The following PALS2 variants were observed in gnomAD, a reference collection of about 807,000 sequenced individuals.
PALS2 encodes the protein protein PALS2.
Under a neutral mutation model 61.6 loss-of-function variants are expected in PALS2, and 27 were observed. The observed-to-expected ratio is 0.44, with a 90% CI of 0.32 to 0.60. The LOEUF (loss-of-function observed/expected upper bound fraction) is 0.60. PALS2 is among the 20% of genes least tolerant of loss of function. PALS2 has a pLI of 0.05. For missense variants in PALS2, 554 were observed against 639.4 expected (o/e 0.87, Z 1.44); for synonymous variants, 236 against 218.6 (o/e 1.08, Z -0.70).
chr7:24,650,412 T>C, intron 4 of PALS2, 73 bp from the exon 5 acceptor site: 1 of 1,208,792 alleles, frequency 8.3e-7, no homozygotes, highest in Non-Finnish European at 1.2e-6. Flanking sequence ...AATTATTTTC[T>C]TACATATGCT....
At position 24,691,405 on chromosome 7, in the gene PALS2, G is replaced by GTATATATATATATA. The variant is rs70942878; in HGVS notation, c.*3818_*3831dup. ...ATATTATGTATGTGTGTGTGTGTGT[G>GTATATATATATATA]TATATATATATATATATATATATAT... is the stretch of plus-strand genomic sequence containing the variant. On this transcript the variant is annotated 3_prime_UTR_variant, in exon 12 of 12. Coordinates refer to ENST00000222644, the MANE Select transcript of PALS2 (RefSeq NM_001303037.2). 19 of 110,590 alleles carry GTATATATATATATA rather than the reference G, an allele frequency of 1.7e-4. No individual in the cohort carries two copies. Among genetic ancestry groups the GTATATATATATATA allele is most frequent in the Non-Finnish European group, 3.1e-4 (16 of 52,290 alleles). The allele number at this position is 110,590 out of a possible 1,614,324, so 6.9% of individuals were successfully genotyped here.
At chr7:24,630,958 CAA>C (rs1784974680) in intron 2 of PALS2, among the ~76,000 whole-genome samples, 1 of 152,200 alleles carries the variant, frequency 6.6e-6, no homozygotes, top group Non-Finnish European at 1.5e-5. Context: ...CAGAAATGTA[CAA>C]AGAGAGGAAT....
intron 5 of PALS2, among the ~76,000 whole-genome samples, chr7:24,660,061 T>C (rs1298762542): frequency 1.3e-5 from 2 of 152,222 alleles, no homozygotes; most frequent in Non-Finnish European, 2.9e-5. Context: ...CTTCCATCTT[T>C]TAGGATCACT....
chr7:24,640,414 A>C (rs1046733449), intron 2 of PALS2, among the ~76,000 whole-genome samples: 4 of 152,210 alleles, frequency 2.6e-5, no homozygotes, highest in Admixed American at 6.5e-5. Context: ...ACTCTATGGT[A>C]AAAATAACAT....
At chr7:24,622,683 C>CTTTTT (rs70942815) in intron 1 of PALS2, among the ~76,000 whole-genome samples, 188 of 135,686 alleles carry the variant, frequency 1.4e-3, no homozygotes, top group African/African-American at 4.4e-3. Flanking sequence ...TTTCTTTTTT[C>CTTTTT]TTTTTTTTTT....
intron 1 of PALS2, among the ~76,000 whole-genome samples, chr7:24,617,905 G>T (rs916386987): frequency 6.6e-6 from 1 of 152,222 alleles, no homozygotes; most frequent in Non-Finnish European, 1.5e-5. Context: ...CAAGTTCTCA[G>T]GGGTGGTGTG....
rs1418574885 is a variant in PALS2, at chr7:24,618,881, C to T, written c.-2-4785C>T. 2.0e-5 allele frequency among the ~76,000 whole-genome samples: 3 copies of T among 152,338 alleles called. No individual in the cohort carries two copies. The highest frequency in any genetic ancestry group is 3.4e-3 in the Middle Eastern group (1 of 294). On this transcript the variant is annotated intron_variant, in intron 1 of 11. Coordinates refer to ENST00000222644, the MANE Select transcript of PALS2 (RefSeq NM_001303037.2). This position sits in a 1 kb window ranked among gnomAD's most constrained non-coding sequence, Gnocchi z 5.1. ...CAAATCTTAGCTGTTTATTTATTGCCGTGGTCCTTTCTTGAAGCGGAGGAA... is the reference window on the plus strand; with the variant it reads ...CAAATCTTAGCTGTTTATTTATTGCTGTGGTCCTTTCTTGAAGCGGAGGAA...
chr7:24,591,919 T>G (rs79358784), intron 1 of PALS2, among the ~76,000 whole-genome samples: 3,024 of 152,048 alleles, frequency 0.02, 114 homozygotes, highest in African/African-American at 0.07. Flanking sequence ...AAAGAAACAC[T>G]AGATAGCACT....
chr7:24,650,650 A>G lies in PALS2; in HGVS notation c.589A>G (p.Ile197Val). The change falls in exon 5 of 12, where the codon ATT becomes GTT. Residue 197 changes from isoleucine (I) to valine (V), a missense_variant. Coordinates refer to ENST00000222644, the MANE Select transcript of PALS2 (RefSeq NM_001303037.2). Reference sequence around the variant, plus strand: ...GGAATTACAAGAATTACTGAAAAATATTAGTGGAAGTGTCACCCTAAAAAT... The same window carrying G: ...GGAATTACAAGAATTACTGAAAAATGTTAGTGGAAGTGTCACCCTAAAAAT... ...PKELQELLKN[I>V]SGSVTLKILP... 1.2e-6 allele frequency: 2 copies of G among 1,612,260 alleles called. No individual in the cohort carries two copies. Among genetic ancestry groups the G allele is most frequent in the Non-Finnish European group, 1.7e-6 (2 of 1,178,498 alleles).
At chr7:24,667,100 A>C (rs1026178448) in intron 8 of PALS2, 1 of 152,338 alleles carries the variant, frequency 6.6e-6, no homozygotes, top group South Asian at 2.1e-4. Context: ...AAGAGTTACT[A>C]TTAGGATAAT....
rs901877193 is a variant in PALS2, at chr7:24,663,872, G to C, written c.783+151G>C. On this transcript the variant is annotated intron_variant, in intron 6 of 11. Coordinates refer to ENST00000222644, the MANE Select transcript of PALS2 (RefSeq NM_001303037.2). The stretch of plus-strand genomic sequence containing the variant: ...CTGCTTCGTGGCTACTAATTTTGTG[G>C]ACATAAGATCAAATTGGGAGGGAAT... The C allele has an allele frequency of 4.3e-5, 44 of 1,016,954 alleles. No individual in the cohort carries two copies. In the East Asian group the frequency reaches 1.1e-3, roughly 26 times the overall value. The allele number at this position is 1,016,954 out of a possible 1,614,324, so 63.0% of individuals were successfully genotyped here.
chr7:24,678,127 C>T (rs1036915395), intron 9 of PALS2, among the ~76,000 whole-genome samples: 1 of 152,276 alleles, frequency 6.6e-6, no homozygotes, highest in South Asian at 2.1e-4. Flanking sequence ...CTTGAAATAA[C>T]ACGCTCAAAA....
At chr7:24,575,135 A>G (rs1287293574) in intron 1 of PALS2, among the ~76,000 whole-genome samples, 5 of 152,182 alleles carry the variant, frequency 3.3e-5, no homozygotes, top group Non-Finnish European at 7.3e-5. Flanking sequence ...CGGTTACATA[A>G]TACACAAATG....
Position 24,641,886 on chromosome 7 carries a change from T to G in PALS2, c.270+18T>G. On this transcript the variant is annotated intron_variant, in intron 3 of 11. Coordinates refer to ENST00000222644, the MANE Select transcript of PALS2 (RefSeq NM_001303037.2). ...ACTTCCAGGTAACTTTCCCTATCAC[T>G]CAACTCTCAAGTTCCCTGTATTCCC... 5 of 1,607,864 alleles carry G rather than the reference T, an allele frequency of 3.1e-6. No individual in the cohort carries two copies. Among genetic ancestry groups the G allele is most frequent in the Non-Finnish European group, 4.3e-6 (5 of 1,176,460 alleles).
chr7:24,631,862 CT>C (rs1785009849), intron 2 of PALS2, among the ~76,000 whole-genome samples: 1 of 152,140 alleles, frequency 6.6e-6, no homozygotes, highest in African/African-American at 2.4e-5. Flanking sequence ...TGTATATTGT[CT>C]TTTAGACATA....
chr7:24,594,796 A>G (rs56213713), intron 1 of PALS2, among the ~76,000 whole-genome samples: 5,919 of 152,226 alleles, frequency 0.039, 152 homozygotes, highest in Non-Finnish European at 0.058. Context: ...ATACTACCCC[A>G]TGAATGTGTG....
intron 1 of PALS2, among the ~76,000 whole-genome samples, chr7:24,599,525 T>TTTTTTTTTTTTTTTG (rs4000763): frequency 2.1e-5 from 3 of 143,624 alleles, no homozygotes; most frequent in Non-Finnish European, 4.6e-5. Flanking sequence ...TTTTTTTTTT[T>TTTTTTTTTTTTTTTG]ATGGAGTCTT....
chr7:24,585,102 C>G (rs951901823), intron 1 of PALS2, among the ~76,000 whole-genome samples: 3 of 152,118 alleles, frequency 2.0e-5, no homozygotes, highest in African/African-American at 7.2e-5. Flanking sequence ...AGTGTGATGC[C>G]TCCAGCTTTG....
intron 3 of PALS2, among the ~76,000 whole-genome samples, chr7:24,643,503 G>A (rs753110823): frequency 1.6e-4 from 24 of 151,740 alleles, no homozygotes; most frequent in Non-Finnish European, 4.4e-5. Context: ...CTTTTTTTAA[G>A]TTATTGATTT....
Sources: allele counts gnomAD v4.1 joint callset (sites outside exome capture counted in the v4.1 genomes callset), GRCh38; gene constraint gnomAD v4.1.1; non-coding constraint Gnocchi (gnomAD v3.1); transcripts MANE v1.5; gene names NCBI Gene and HGNC (gene_info 2026-07-23, HGNC 2026-07-21).